MMP16: variants seen among roughly 807,000 people sequenced by gnomAD.
MMP16 encodes matrix metallopeptidase 16.
In MMP16, 12 loss-of-function variants were observed where a neutral mutation model predicts 67.8. The observed-to-expected ratio is 0.18, with a 90% confidence interval of 0.11 to 0.29. The LOEUF (loss-of-function observed/expected upper bound fraction) is 0.29, where lower values mean the gene tolerates loss of function less well. MMP16 is among the 10% of genes least tolerant of loss of function. The probability of loss-of-function intolerance (pLI) is 1.00; values close to 1 mark genes in which losing one functional copy is unlikely to be tolerated. For synonymous variants in MMP16, 249 were observed against 255.9 expected (o/e 0.97, Z 0.26); for missense variants, 475 against 765.7 (o/e 0.62, Z 4.48).
chr8:88,106,667 T>C (rs554334679), intron 6 of MMP16, among the ~76,000 whole-genome samples: 86 of 151,108 alleles, frequency 5.7e-4, no homozygotes, highest in Non-Finnish European at 9.2e-4. Context: ...ATAATGAATT[T>C]AAAAAAAACT....
intron 4 of MMP16, among the ~76,000 whole-genome samples, chr8:88,121,737 T>C (rs1586161935): frequency 6.6e-6 from 1 of 152,164 alleles, no homozygotes; most frequent in Non-Finnish European, 1.5e-5. Flanking sequence ...TTCAATTGTA[T>C]CCATAATCTC....
chr8:88,298,041 A>G (rs1811038973), intron 1 of MMP16, among the ~76,000 whole-genome samples: 1 of 152,184 alleles, frequency 6.6e-6, no homozygotes. Flanking sequence ...CTAGGCCTGT[A>G]AAAAAGGCAG....
At chr8:88,263,909 G>T (rs995922392) in intron 1 of MMP16, among the ~76,000 whole-genome samples, 1 of 151,572 alleles carries the variant, frequency 6.6e-6, no homozygotes, top group Non-Finnish European at 1.5e-5. Flanking sequence ...TGTGTAGTAC[G>T]CCTGACTGAT....
intron 1 of MMP16, among the ~76,000 whole-genome samples, chr8:88,231,362 A>G (rs28904611): frequency 0.028 from 4,247 of 152,300 alleles, 101 homozygotes; most frequent in Admixed American, 0.04. Flanking sequence ...AATTCATTTG[A>G]TCAGTTTTAT....
chr8:88,203,314 G>A, intron 1 of MMP16, among the ~76,000 whole-genome samples: 1 of 151,806 alleles, frequency 6.6e-6, no homozygotes, highest in Middle Eastern at 3.2e-3. Context: ...ATGTTGGCCA[G>A]GATGGTCTCG....
intron 1 of MMP16, among the ~76,000 whole-genome samples, chr8:88,262,885 C>G (rs894916817): frequency 7.1e-6 from 1 of 139,942 alleles, no homozygotes; most frequent in Admixed American, 7.4e-5. Context: ...ATTAGCCGAG[C>G]GTGGTAGCGG....
chr8:88,165,178 TA>T (rs11325157), intron 4 of MMP16, among the ~76,000 whole-genome samples: 55,381 of 95,494 alleles, frequency 0.58, 13,689 homozygotes, highest in African/African-American at 0.69. Flanking sequence ...ACCCCATCTC[TA>T]AAAAAAAAAA....
At chr8:88,168,773 G>A in intron 3 of MMP16, among the ~76,000 whole-genome samples, 1 of 151,956 alleles carries the variant, frequency 6.6e-6, no homozygotes, top group East Asian at 1.9e-4. Flanking sequence ...AAGCATGCAT[G>A]TGAAAAAAAT....
At chr8:88,132,767 T>C (rs1357012583) in intron 4 of MMP16, among the ~76,000 whole-genome samples, 9 of 152,044 alleles carry the variant, frequency 5.9e-5, no homozygotes, top group Admixed American at 2.6e-4. Context: ...GAGAGGATTA[T>C]ACCAAGGCAT....
intron 2 of MMP16, among the ~76,000 whole-genome samples, chr8:88,188,392 G>A (rs549043701): frequency 3.9e-5 from 6 of 151,986 alleles, no homozygotes; most frequent in South Asian, 2.1e-4. Context: ...TTTACTTAAC[G>A]TGGGATATGG....
rs909520028 is a variant in MMP16 at position 88,070,609 on chromosome 8, T to C, written c.1222+3996A>G. On this transcript the variant is annotated intron_variant, in intron 7 of 9. Coordinates refer to ENST00000286614, the MANE Select transcript of MMP16 (RefSeq NM_005941.5). ...CTCTCTCCTCTATGTTACTTTCTCC[T>C]GTGCACTGAAGCTACCTTGTTCTCC... Among the ~76,000 whole-genome samples the C allele has an allele frequency of 1.2e-4, 18 of 152,206 alleles. 1 individual carries two copies. In the East Asian group the frequency reaches 3.1e-3, roughly 26 times the overall value.
At chr8:88,129,618 A>G (rs1378286469) in intron 4 of MMP16, among the ~76,000 whole-genome samples, 1 of 151,528 alleles carries the variant, frequency 6.6e-6, no homozygotes, top group Admixed American at 6.6e-5. Context: ...TTTTTCTATT[A>G]ATATTTTAGA....
At chr8:88,311,200 G>A (rs1811289187) in intron 1 of MMP16, among the ~76,000 whole-genome samples, 1 of 152,018 alleles carries the variant, frequency 6.6e-6, no homozygotes, top group Non-Finnish European at 1.5e-5. Context: ...TTAGGATGGG[G>A]AAGAAATGAA....
intron 4 of MMP16, among the ~76,000 whole-genome samples, chr8:88,162,943 C>CTTTATATCAGTG (rs926600773): frequency 3.9e-5 from 6 of 152,000 alleles, no homozygotes; most frequent in South Asian, 2.1e-4. Flanking sequence ...TCAGGTAGTT[C>CTTTATATCAGTG]TTTATATCAG....
At chr8:88,145,724 C>T (rs1263041589) in intron 4 of MMP16, among the ~76,000 whole-genome samples, 1 of 151,956 alleles carries the variant, frequency 6.6e-6, no homozygotes, top group African/African-American at 2.4e-5. Flanking sequence ...GGGATAAAAG[C>T]AATCTTCTTA....
rs1164659171 is a variant in MMP16 at position 88,185,909 on chromosome 8, C to T, written c.404+567G>A. On this transcript the variant is annotated intron_variant, in intron 3 of 9. Coordinates refer to ENST00000286614, the MANE Select transcript of MMP16 (RefSeq NM_005941.5). ...TTTATTTGTTGCTACATCTCCAGGCCTTGGCATTGTTCTTTGTTCATACTG... is the reference window on the plus strand; with the variant it reads ...TTTATTTGTTGCTACATCTCCAGGCTTTGGCATTGTTCTTTGTTCATACTG... Among the ~76,000 whole-genome samples the T allele has an allele frequency of 3.3e-5, 5 of 152,204 alleles. No individual in the cohort carries two copies. In the East Asian group the frequency reaches 9.7e-4, roughly 30 times the overall value.
intron 9 of MMP16, among the ~76,000 whole-genome samples, chr8:88,044,982 C>T (rs1808179991): frequency 6.6e-6 from 1 of 152,150 alleles, no homozygotes; most frequent in Non-Finnish European, 1.5e-5. Context: ...TCTCTTATTC[C>T]TTTCCCTTTT....
At chr8:88,061,338 C>G (rs1476316421) in intron 7 of MMP16, among the ~76,000 whole-genome samples, 1 of 152,050 alleles carries the variant, frequency 6.6e-6, no homozygotes, top group East Asian at 1.9e-4. Context: ...TTCTGTTGGC[C>G]TATACCTCAG....
At chr8:88,220,340 T>C (rs773287886) in intron 1 of MMP16, among the ~76,000 whole-genome samples, 5 of 152,166 alleles carry the variant, frequency 3.3e-5, no homozygotes, top group Non-Finnish European at 7.3e-5. Context: ...AGAAAGTTTA[T>C]CTTTCCTTTT....
Sources: allele counts gnomAD v4.1 joint callset (sites outside exome capture counted in the v4.1 genomes callset), GRCh38; gene constraint gnomAD v4.1.1; transcripts MANE v1.5; gene names NCBI Gene and HGNC (gene_info 2026-07-23, HGNC 2026-07-21).